TTLL11: variants seen among roughly 807,000 people sequenced by gnomAD.
TTLL11 encodes the protein tubulin polyglutamylase TTLL11.
A neutral mutation model predicts 51.7 loss-of-function variants in TTLL11; 42 were observed. That is an observed-to-expected ratio of 0.81 (90% confidence interval 0.64 to 1.05). TTLL11 has a LOEUF of 1.05. TTLL11 is among the 50% of genes least tolerant of loss of function. TTLL11 has a pLI of 0.00. For synonymous variants in TTLL11, 381 were observed against 383.5 expected (o/e 0.99, Z 0.08); for missense variants, 799 against 940.4 (o/e 0.85, Z 1.97).
At chr9:122,090,323 C>T (rs1846226644) in intron 1 of TTLL11, among the ~76,000 whole-genome samples, 1 of 152,054 alleles carries the variant, frequency 6.6e-6, no homozygotes, top group African/African-American at 2.4e-5. Context: ...CTCACATAGC[C>T]TTCCTCCCCA....
At chr9:121,850,276 G>T (rs1176047158) in intron 8 of TTLL11, among the ~76,000 whole-genome samples, 1 of 152,196 alleles carries the variant, frequency 6.6e-6, no homozygotes, top group Non-Finnish European at 1.5e-5. Context: ...GGGCTGAGAA[G>T]TCCCACATAC....
intron 6 of TTLL11, among the ~76,000 whole-genome samples, chr9:121,937,318 C>A (rs1309974226): frequency 6.6e-6 from 1 of 152,154 alleles, no homozygotes; most frequent in South Asian, 2.1e-4. Flanking sequence ...TGAGGTAGAT[C>A]CTGTTACTGT....
intron 3 of TTLL11, among the ~76,000 whole-genome samples, chr9:122,004,715 C>G (rs1327314732): frequency 6.6e-6 from 1 of 152,216 alleles, no homozygotes; most frequent in Non-Finnish European, 1.5e-5. Flanking sequence ...TGCAAGGCCA[C>G]ATATGTCACC....
At position 121,822,671 on chromosome 9, in the gene TTLL11, G is replaced by C. The variant is rs905321808; in HGVS notation, c.2049C>G (p.Pro683=). 4 of 1,543,264 alleles carry C rather than the reference G, an allele frequency of 2.6e-6. No individual in the cohort carries two copies. Among genetic ancestry groups the C allele is most frequent in the Admixed American group, 2.0e-5 (1 of 49,834 alleles). ...PHRGPPQEPS[P]SAQPAGDNPP... ...GGTTGTCCCCTGCTGGCTGGGCCGAGGGGGAGGGCTCCTGGGGAGGGCCAC... is the reference window on the plus strand; with the variant it reads ...GGTTGTCCCCTGCTGGCTGGGCCGACGGGGAGGGCTCCTGGGGAGGGCCAC... The change falls in exon 9 of 9, where the codon CCC becomes CCG. Residue 683 remains proline, a synonymous_variant. Coordinates refer to ENST00000321582, the MANE Select transcript of TTLL11 (RefSeq NM_001139442.2). The surrounding 1 kb of genome is among the most constrained non-coding windows in gnomAD (Gnocchi z 5.8).
intron 8 of TTLL11, among the ~76,000 whole-genome samples, chr9:121,830,075 A>G (rs779862199): frequency 2.0e-5 from 3 of 152,214 alleles, no homozygotes; most frequent in Admixed American, 6.5e-5. Flanking sequence ...GAGCACCAAT[A>G]AAGATGCATT....
chr9:122,082,459 G>A (rs1846023154), intron 1 of TTLL11, among the ~76,000 whole-genome samples: 1 of 137,712 alleles, frequency 7.3e-6, no homozygotes, highest in African/African-American at 2.8e-5. Context: ...CCAACATAGT[G>A]CCATTGCACT....
chr9:121,871,196 T>C (rs903053202), intron 6 of TTLL11, among the ~76,000 whole-genome samples: 4 of 151,436 alleles, frequency 2.6e-5, no homozygotes, highest in Non-Finnish European at 4.4e-5. Flanking sequence ...ATTCTAGGAA[T>C]AGAAACAATT....
chr9:121,983,702 C>T (rs573513157), intron 4 of TTLL11, among the ~76,000 whole-genome samples: 2 of 152,146 alleles, frequency 1.3e-5, no homozygotes, highest in Non-Finnish European at 2.9e-5. Flanking sequence ...GCAAAGTTAG[C>T]GACTCCCTTT....
At chr9:121,914,909 T>A (rs1405453383) in intron 6 of TTLL11, among the ~76,000 whole-genome samples, 1 of 152,194 alleles carries the variant, frequency 6.6e-6, no homozygotes, top group African/African-American at 2.4e-5. Flanking sequence ...GGGGTCCTGC[T>A]TGTGCCAAGT....
At chr9:121,850,983 A>G (rs1837650990) in intron 8 of TTLL11, among the ~76,000 whole-genome samples, 1 of 152,242 alleles carries the variant, frequency 6.6e-6, no homozygotes, top group Non-Finnish European at 1.5e-5. Context: ...ACTGTGGCAT[A>G]TCTGTTCAAT....
chr9:121,933,513 G>C (rs569431819), intron 6 of TTLL11, among the ~76,000 whole-genome samples: 1 of 152,280 alleles, frequency 6.6e-6, no homozygotes, highest in East Asian at 1.9e-4. Context: ...GTGGAGATCA[G>C]TGGTGTTCAA....
intron 1 of TTLL11, among the ~76,000 whole-genome samples, chr9:122,090,205 G>T (rs1240921792): frequency 1.3e-5 from 2 of 151,968 alleles, no homozygotes; most frequent in Non-Finnish European, 2.9e-5. Context: ...ACTGGAAACT[G>T]CTGAATTAGC....
At chr9:121,911,520 A>C (rs1840117917) in intron 6 of TTLL11, among the ~76,000 whole-genome samples, 8 of 152,216 alleles carry the variant, frequency 5.3e-5, no homozygotes, top group Admixed American at 5.2e-4. Context: ...ACAATAGCAA[A>C]GACTTGAAAC....
chr9:121,854,398 G>A (rs1012284522), intron 8 of TTLL11, among the ~76,000 whole-genome samples: 2 of 152,192 alleles, frequency 1.3e-5, no homozygotes, highest in African/African-American at 4.8e-5. Flanking sequence ...ATGGGAAGGG[G>A]ACGTGGGGAA....
chr9:122,071,481 C>T (rs933943556), intron 1 of TTLL11, among the ~76,000 whole-genome samples: 4 of 152,166 alleles, frequency 2.6e-5, no homozygotes, highest in Non-Finnish European at 5.9e-5. Flanking sequence ...TGAGATGGCC[C>T]TCTGTGGCTG....
At chr9:121,946,482 T>G (rs952615492) in intron 6 of TTLL11, among the ~76,000 whole-genome samples, 3 of 152,212 alleles carry the variant, frequency 2.0e-5, no homozygotes, top group Non-Finnish European at 4.4e-5. Flanking sequence ...GGCAGGGGCT[T>G]TGACCACGGG....
At chr9:121,905,649 A>C (rs1230714888) in intron 6 of TTLL11, among the ~76,000 whole-genome samples, 1 of 152,168 alleles carries the variant, frequency 6.6e-6, no homozygotes, top group Non-Finnish European at 1.5e-5. Context: ...CACTGCACCC[A>C]GCCATTTAAC....
At chr9:121,988,354 A>G (rs1446527676) in intron 4 of TTLL11, among the ~76,000 whole-genome samples, 1 of 151,248 alleles carries the variant, frequency 6.6e-6, no homozygotes, top group Non-Finnish European at 1.5e-5. Flanking sequence ...TTCTCCAGGG[A>G]CCACCCCCCC....
chr9:122,047,079 A>AC (rs1215968417), intron 1 of TTLL11, among the ~76,000 whole-genome samples: 1 of 152,174 alleles, frequency 6.6e-6, no homozygotes, highest in East Asian at 1.9e-4. Flanking sequence ...CCAGAGAGCA[A>AC]CGAGGGCACA....
Sources: allele counts gnomAD v4.1 joint callset (sites outside exome capture counted in the v4.1 genomes callset), GRCh38; gene constraint gnomAD v4.1.1; non-coding constraint Gnocchi (gnomAD v3.1); transcripts MANE v1.5; gene names NCBI Gene and HGNC (gene_info 2026-07-23, HGNC 2026-07-21).